FRMD4A: variants seen among roughly 807,000 people sequenced by gnomAD.
The protein encoded by FRMD4A is FERM domain containing 4A.
A neutral mutation model predicts 129.1 loss-of-function variants in FRMD4A; 29 were observed. The ratio of observed to expected loss-of-function variants is 0.22; its 90% CI spans 0.17 to 0.31. The LOEUF is 0.31. Ranked by LOEUF, FRMD4A falls within the 10% of genes least tolerant of loss-of-function variation. The pLI is 1.00. For synonymous variants in FRMD4A, 634 were observed against 571.6 expected (o/e 1.11, Z -1.56); for missense variants, 1,272 against 1,375.8 (o/e 0.92, Z 1.19).
intron 2 of FRMD4A, among the ~76,000 whole-genome samples, chr10:13,861,414 T>A (rs752843120): frequency 6.6e-5 from 10 of 152,242 alleles, no homozygotes; most frequent in Non-Finnish European, 1.3e-4. Flanking sequence ...AAGTCGGGTT[T>A]TCCTTGTTTT....
intron 3 of FRMD4A, among the ~76,000 whole-genome samples, chr10:13,837,206 G>A (rs2093890625): frequency 6.6e-6 from 1 of 152,098 alleles, no homozygotes; most frequent in Admixed American, 6.5e-5. Context: ...TTCCTCAAGG[G>A]GGTTGCTCTT....
chr10:13,687,967 C>T (rs11258523), intron 15 of FRMD4A, among the ~76,000 whole-genome samples: 13,419 of 152,184 alleles, frequency 0.088, 984 homozygotes, highest in African/African-American at 0.2. Flanking sequence ...TACAGGTCTA[C>T]GGGGTCTCAC....
chr10:14,139,440 T>A (rs1432212625), intron 2 of FRMD4A, among the ~76,000 whole-genome samples: 1 of 139,026 alleles, frequency 7.2e-6, no homozygotes. Flanking sequence ...TATTTCTTTT[T>A]TTATTATTTA....
At chr10:14,040,560 C>T (rs1364965890) in intron 2 of FRMD4A, among the ~76,000 whole-genome samples, 1 of 152,180 alleles carries the variant, frequency 6.6e-6, no homozygotes, top group African/African-American at 2.4e-5. Flanking sequence ...AGACTAACTG[C>T]ATTTTGGAGA....
At position 13,959,090 on chromosome 10, in the gene FRMD4A, T is replaced by C. The variant is rs563235788; in HGVS notation, c.46-100178A>G. 2.0e-5 allele frequency among the ~76,000 whole-genome samples: 3 copies of C among 152,296 alleles called. No individual in the cohort carries two copies. In the East Asian group the frequency reaches 5.8e-4, roughly 29 times the overall value. On this transcript the variant is annotated intron_variant, in intron 2 of 24. Coordinates refer to ENST00000357447, the MANE Select transcript of FRMD4A (RefSeq NM_018027.5). ...CAGCCTTGGCTGGGATTCTCAGCAA[T>C]GGGCACTTGCAAGTATGAGAATCCC...
At chr10:13,710,873 G>A (rs985931718) in intron 12 of FRMD4A, among the ~76,000 whole-genome samples, 19 of 152,128 alleles carry the variant, frequency 1.2e-4, no homozygotes, top group African/African-American at 4.6e-4. Context: ...ATTTAGCTGG[G>A]TGTAGTGGTG....
At chr10:13,861,113 C>A (rs1160027747) in intron 2 of FRMD4A, among the ~76,000 whole-genome samples, 1 of 152,232 alleles carries the variant, frequency 6.6e-6, no homozygotes, top group East Asian at 1.9e-4. Context: ...CAGTCCCACC[C>A]AGTGGCCAGC....
In FRMD4A at chr10:13,865,404, A is replaced by ATTTTATTTAT. The variant is rs372139721; in HGVS notation, c.46-6493_46-6492insATAAATAAAA. Among the ~76,000 whole-genome samples the ATTTTATTTAT allele has an allele frequency of 4.1e-4, 29 of 70,052 alleles. 1 individual carries two copies. The South Asian group carries it at 0.018, about 43-fold the overall frequency. 46.0% of individuals were successfully genotyped at this position (70,052 alleles called of 152,430 possible). On this transcript the variant is annotated intron_variant, in intron 2 of 24. Coordinates refer to ENST00000357447, the MANE Select transcript of FRMD4A (RefSeq NM_018027.5). ...AGGCTTACTTTATTTTATTTATTTTATTTGTTTTATTTTATTTTATTTTAT... is the reference window on the plus strand; with the variant it reads ...AGGCTTACTTTATTTTATTTATTTTATTTTATTTATTTTGTTTTATTTTATTTTATTTTAT...
chr10:14,251,437 C>T (rs556827259), intron 2 of FRMD4A, among the ~76,000 whole-genome samples: 22 of 152,244 alleles, frequency 1.4e-4, no homozygotes, highest in South Asian at 4.1e-4. Context: ...CCCAGTTGAG[C>T]CTTCAGATGA....
At chr10:13,687,379 C>T (rs2134791773) in intron 15 of FRMD4A, among the ~76,000 whole-genome samples, 1 of 152,330 alleles carries the variant, frequency 6.6e-6, no homozygotes, top group South Asian at 2.1e-4. Context: ...CAGGCTCTGT[C>T]TCACTTTCAG....
intron 2 of FRMD4A, among the ~76,000 whole-genome samples, chr10:14,180,870 C>G (rs749845875): frequency 4.1e-4 from 62 of 152,324 alleles, no homozygotes; most frequent in Admixed American, 9.1e-4. Flanking sequence ...CACATTCCGG[C>G]ACTTCTATGT....
chr10:13,999,158 C>A (rs2095633095), intron 2 of FRMD4A, among the ~76,000 whole-genome samples: 2 of 152,084 alleles, frequency 1.3e-5, no homozygotes, highest in South Asian at 2.1e-4. Flanking sequence ...TTGCTCCCAT[C>A]TCCCTCCCTG....
intron 15 of FRMD4A, chr10:13,684,022 T>TA (rs780931654): frequency 6.6e-6 from 1 of 152,098 alleles, no homozygotes; most frequent in Non-Finnish European, 1.5e-5. Context: ...TGACTTTTTT[T>TA]ATTGCCTCTC....
chr10:14,097,376 T>C (rs1453832566), intron 2 of FRMD4A, among the ~76,000 whole-genome samples: 7 of 152,132 alleles, frequency 4.6e-5, no homozygotes, highest in African/African-American at 1.7e-4. Flanking sequence ...ATAATAATTA[T>C]TGTGATGATA....
At position 13,848,198 on chromosome 10, in the gene FRMD4A, C is replaced by CA. The variant is rs374455298; in HGVS notation, c.111+10648dup. On this transcript the variant is annotated intron_variant, in intron 3 of 24. Coordinates refer to ENST00000357447, the MANE Select transcript of FRMD4A (RefSeq NM_018027.5). ...CTGCACAGAGTCTCCTATGGGGCAC[C>CA]ATAGAGAGGACATGGAAAGGATTTT... Among the ~76,000 whole-genome samples the CA allele has an allele frequency of 8.5e-4, 129 of 152,252 alleles. 1 individual carries two copies. The highest frequency in any genetic ancestry group is 2.9e-3 in the African/African-American group (121 of 41,552).
chr10:14,075,051 A>T (rs1320284953), intron 2 of FRMD4A, among the ~76,000 whole-genome samples: 3 of 152,162 alleles, frequency 2.0e-5, no homozygotes, highest in African/African-American at 4.8e-5. Flanking sequence ...AAGCAAGCAA[A>T]CTATGGTAAC....
intron 5 of FRMD4A, among the ~76,000 whole-genome samples, chr10:13,786,621 A>C (rs1476619572): frequency 6.6e-6 from 1 of 152,188 alleles, no homozygotes; most frequent in Admixed American, 6.5e-5. Flanking sequence ...ATAAATAAAT[A>C]AATCTACATC....
Position 13,922,438 on chromosome 10 carries a change from T to C in FRMD4A, c.46-63526A>G, listed in dbSNP as rs1240209493. Among the ~76,000 whole-genome samples the C allele has an allele frequency of 2.6e-5, 4 of 152,212 alleles. No individual in the cohort carries two copies. In the East Asian group the frequency reaches 7.7e-4, roughly 29 times the overall value. On this transcript the variant is annotated intron_variant, in intron 2 of 24. Transcript: ENST00000357447. ...TATATGTGGTCTAACTCTTATTTTA[T>C]AAAAGAAAGTAAAACACAAAGAGGT...
At chr10:14,043,602 G>A (rs1451961514) in intron 2 of FRMD4A, among the ~76,000 whole-genome samples, 1 of 152,124 alleles carries the variant, frequency 6.6e-6, no homozygotes, top group Non-Finnish European at 1.5e-5. Flanking sequence ...TCCTTTGGCT[G>A]GATGATTTCT....
Sources: gnomAD v4.1 joint callset for allele counts (sites outside exome capture counted in the v4.1 genomes callset) on GRCh38, gnomAD v4.1.1 for gene constraint, MANE v1.5 for transcripts, NCBI Gene and HGNC (gene_info 2026-07-23, HGNC 2026-07-21) for gene names.